ATG10: variants seen among roughly 807,000 people sequenced by gnomAD.
ATG10 encodes the protein autophagy related 10, also known as ubiquitin-like-conjugating enzyme ATG10.
A neutral mutation model predicts 32.1 loss-of-function variants in ATG10; 30 were observed. The ratio of observed to expected loss-of-function variants is 0.94; its 90% CI spans 0.70 to 1.27. ATG10 has a LOEUF of 1.27. Among genes scored for constraint, ATG10 ranks in the 50% most tolerant of loss-of-function variants. The probability of loss-of-function intolerance (pLI) is 0.00; values close to 1 mark genes in which losing one functional copy is unlikely to be tolerated. For missense variants in ATG10, 233 were observed against 262.3 expected (o/e 0.89, Z 0.77); for synonymous variants, 87 against 91.5 (o/e 0.95, Z 0.28).
chr5:81,981,874 C>A (rs963818062), intron 1 of ATG10, among the ~76,000 whole-genome samples: 1 of 152,230 alleles, frequency 6.6e-6, no homozygotes, highest in Non-Finnish European at 1.5e-5. Context: ...TAAAAAGGAT[C>A]ATTTAAACAA....
chr5:82,252,426 G>T, intron 5 of ATG10, 136 bp from the exon 6 acceptor site: 2 of 629,216 alleles, frequency 3.2e-6, no homozygotes, highest in Non-Finnish European at 2.8e-6. Flanking sequence ...TTTAAAAATA[G>T]AAAATAAACC....
intron 3 of ATG10, among the ~76,000 whole-genome samples, chr5:82,085,002 G>A (rs958497429): frequency 1.3e-5 from 2 of 152,092 alleles, no homozygotes; most frequent in Non-Finnish European, 2.9e-5. Flanking sequence ...AAATGTAAAT[G>A]GGCTAAATGC....
intron 2 of ATG10, among the ~76,000 whole-genome samples, chr5:82,055,313 G>C (rs955799740): frequency 6.6e-5 from 10 of 151,926 alleles, no homozygotes; most frequent in South Asian, 2.1e-4. Context: ...ATAAAAAAAT[G>C]GTATTAGAAA....
chr5:81,986,302 G>A (rs1343070641), intron 1 of ATG10, among the ~76,000 whole-genome samples: 3 of 152,238 alleles, frequency 2.0e-5, no homozygotes, highest in South Asian at 2.1e-4. Flanking sequence ...TGGGAGCAGA[G>A]GCGCTTCGTG....
intron 3 of ATG10, among the ~76,000 whole-genome samples, chr5:82,093,981 A>G (rs1329250848): frequency 1.3e-5 from 2 of 152,034 alleles, no homozygotes; most frequent in South Asian, 2.1e-4. Flanking sequence ...GTTTCCTCTA[A>G]TTGTTTTGTA....
At chr5:82,040,209 T>A (rs2149726397) in intron 2 of ATG10, among the ~76,000 whole-genome samples, 1 of 152,306 alleles carries the variant, frequency 6.6e-6, no homozygotes, top group South Asian at 2.1e-4. Flanking sequence ...CCTCTCCTCT[T>A]GATGGGAGGA....
At chr5:82,234,884 G>A (rs1025449620) in intron 5 of ATG10, among the ~76,000 whole-genome samples, 1 of 152,046 alleles carries the variant, frequency 6.6e-6, no homozygotes, top group African/African-American at 2.4e-5. Context: ...ATTCTTTTTT[G>A]ACAACAAAGT....
intron 2 of ATG10, chr5:82,009,586 C>T: frequency 6.4e-7 from 1 of 1,571,438 alleles, no homozygotes; most frequent in South Asian, 1.1e-5. Flanking sequence ...AGATAAAACA[C>T]AAGTCAAACT....
In ATG10 at chr5:82,070,188, C is replaced by T. The variant is rs149686171; in HGVS notation, c.216+11586C>T. ...TGGCAATGGCACCTAAAGGCTGTCC[C>T]GATGGATGCCTGAGAAAATGCATTT... On this transcript the variant is annotated intron_variant, in intron 3 of 7. Transcript: ENST00000282185. 1.1e-4 allele frequency among the ~76,000 whole-genome samples: 17 copies of T among 152,208 alleles called. 1 individual carries two copies. The highest frequency in any genetic ancestry group is 5.8e-4 in the East Asian group (3 of 5,180).
At chr5:81,972,815 G>C (rs762974728) in intron 1 of ATG10, among the ~76,000 whole-genome samples, 1 of 152,102 alleles carries the variant, frequency 6.6e-6, no homozygotes, top group Non-Finnish European at 1.5e-5. Context: ...GGGAGGACCG[G>C]AGAATGATAA....
rs1015424600 is a variant in ATG10 at position 82,027,442 on chromosome 5, CAT to C, written c.109-31052_109-31051del. ...ATTAATCAAAATATTTTAAATCACA[CAT>C]GAGTATATGTATTGTACATATTTTT... On this transcript the variant is annotated intron_variant, in intron 2 of 7. Transcript: ENST00000282185. 4.6e-5 allele frequency among the ~76,000 whole-genome samples: 7 copies of C among 152,080 alleles called. No homozygotes were observed. The East Asian group carries it at 5.8e-4, about 13-fold the overall frequency.
chr5:82,067,686 A>G (rs1331759573), intron 3 of ATG10, among the ~76,000 whole-genome samples: 1 of 152,188 alleles, frequency 6.6e-6, no homozygotes, highest in African/African-American at 2.4e-5. Flanking sequence ...TCTGTGCTAT[A>G]TTCTCCTTGG....
chr5:82,158,013 G>A (rs1205708677), intron 3 of ATG10, among the ~76,000 whole-genome samples: 1 of 152,166 alleles, frequency 6.6e-6, no homozygotes, highest in Non-Finnish European at 1.5e-5. Flanking sequence ...ATAGAGATAT[G>A]GATCTCATTT....
chr5:82,125,268 G>A (rs889701614), intron 3 of ATG10, among the ~76,000 whole-genome samples: 1 of 151,964 alleles, frequency 6.6e-6, no homozygotes, highest in East Asian at 1.9e-4. Flanking sequence ...TTTCTTTTGT[G>A]GTGCAGAAGC....
At chr5:82,154,526 C>T (rs1431273289) in intron 3 of ATG10, among the ~76,000 whole-genome samples, 1 of 152,176 alleles carries the variant, frequency 6.6e-6, no homozygotes, top group East Asian at 1.9e-4. Flanking sequence ...GGTCAAATGA[C>T]CTGTCCATTC....
chr5:82,071,952 G>A (rs1764144803), intron 3 of ATG10, among the ~76,000 whole-genome samples: 2 of 152,260 alleles, frequency 1.3e-5, no homozygotes, highest in South Asian at 2.1e-4. Context: ...TAAACACCAG[G>A]AAGTGTCCAA....
intron 3 of ATG10, among the ~76,000 whole-genome samples, chr5:82,143,134 G>A (rs953660480): frequency 2.0e-5 from 3 of 152,192 alleles, no homozygotes; most frequent in Non-Finnish European, 4.4e-5. Flanking sequence ...ACAAAAGCAC[G>A]GAGGTGGAGC....
At chr5:82,116,266 A>G (rs1765806048) in intron 3 of ATG10, among the ~76,000 whole-genome samples, 1 of 152,080 alleles carries the variant, frequency 6.6e-6, no homozygotes, top group South Asian at 2.1e-4. Flanking sequence ...GGATTATAGA[A>G]TTTCAGTTAT....
At chr5:82,130,000 C>T (rs578070157) in intron 3 of ATG10, among the ~76,000 whole-genome samples, 2 of 152,262 alleles carry the variant, frequency 1.3e-5, no homozygotes, top group South Asian at 4.1e-4. Context: ...ATCTATAAGC[C>T]CCTGACTGGG....
Sources: gnomAD v4.1 joint callset for allele counts (sites outside exome capture counted in the v4.1 genomes callset) on GRCh38, gnomAD v4.1.1 for gene constraint, MANE v1.5 for transcripts, NCBI Gene and HGNC (gene_info 2026-07-23, HGNC 2026-07-21) for gene names.